CEP68: variants seen among roughly 807,000 people sequenced by gnomAD.
CEP68 encodes the protein centrosomal protein 68, also known as centrosomal protein of 68 kDa.
In CEP68, 26 loss-of-function variants were observed where a neutral mutation model predicts 55.3. That is an observed-to-expected ratio of 0.47 (90% CI 0.34 to 0.65). The LOEUF (loss-of-function observed/expected upper bound fraction) is 0.65, where lower values mean the gene tolerates loss of function less well. CEP68 is among the 30% of genes least tolerant of loss of function. CEP68 has a pLI of 0.01. For synonymous variants in CEP68, 402 were observed against 383.2 expected (o/e 1.05, Z -0.57); for missense variants, 957 against 946.7 (o/e 1.01, Z -0.14).
rs1379386055 is a variant in CEP68 at position 65,085,045 on chromosome 2, C to T, written c.*1411C>T. On this transcript the variant is annotated 3_prime_UTR_variant, in exon 7 of 7. Transcript: ENST00000377990. Reference sequence around the variant, plus strand: ...AAAAGGTAGAGATGTCTGACGGCCTCTTCTTAAATTGATATATTTTACCTT... The same window carrying T: ...AAAAGGTAGAGATGTCTGACGGCCTTTTCTTAAATTGATATATTTTACCTT... 6.6e-6 allele frequency: 1 copy of T among 152,166 alleles called. No individual in the cohort carries two copies. The highest frequency in any genetic ancestry group is 1.5e-5 in the Non-Finnish European group (1 of 68,030). 9.4% of individuals were successfully genotyped at this position (152,166 alleles called of 1,614,324 possible). A position where few individuals can be genotyped will look rare whatever the true frequency, so the allele number is the denominator to read the frequency against.
In CEP68 at chr2:65,072,490, G is replaced by C. The variant is rs145806974; in HGVS notation, c.1394G>C (p.Cys465Ser). Residue 465 changes from cysteine (C) to serine (S), a missense_variant, in exon 3 of 7, where the codon TGC becomes TCC. By Grantham distance (112) the Cys-to-Ser change is moderately radical. Coordinates refer to ENST00000377990, the MANE Select transcript of CEP68 (RefSeq NM_015147.3). ...AGCCAGAGTGCCCGGCGCCCTACCT[G>C]CACAGAGTCTAGGTGGAAATCAGAA... ...RTSQSARRPT[C>S]TESRWKSEEE... 5.6e-5 allele frequency: 91 copies of C among 1,614,082 alleles called. No individual in the cohort carries two copies. In the East Asian group the frequency reaches 1.9e-3, roughly 34 times the overall value.
At chr2:65,074,260 G>A in intron 3 of CEP68, 22 bp from the exon 4 acceptor site, 1 of 1,613,334 alleles carries the variant, frequency 6.2e-7, no homozygotes, top group East Asian at 2.2e-5. Flanking sequence ...AACACCATGT[G>A]TCCTTTTATT....
At position 65,073,465 on chromosome 2, in the gene CEP68, T is replaced by G. The variant is rs190091945; in HGVS notation, c.1884+485T>G. On this transcript the variant is annotated intron_variant, in intron 3 of 6. Coordinates refer to ENST00000377990, the MANE Select transcript of CEP68 (RefSeq NM_015147.3). ...GCATTGGATGTACTGTTGCCTAGAC[T>G]TTGTGGCCACCGGACCATCTTGTGA... is the stretch of plus-strand genomic sequence containing the variant. 2.1e-3 allele frequency: 461 copies of G among 218,074 alleles called. 6 individuals carry two copies. The highest frequency in any genetic ancestry group is 9.3e-3 in the African/African-American group (399 of 43,054). 13.5% of individuals were successfully genotyped at this position (218,074 alleles called of 1,614,324 possible). A position where few individuals can be genotyped will look rare whatever the true frequency, so the allele number is the denominator to read the frequency against.
chr2:65,074,680 C>T (rs1021012029), intron 4 of CEP68: 2 of 401,262 alleles, frequency 5.0e-6, no homozygotes, highest in Non-Finnish European at 9.5e-6. Flanking sequence ...TGGGACAAGT[C>T]TTTTATCCCA....
rs936264651 is a variant in CEP68 at position 65,074,773 on chromosome 2, C to T, written c.2007+369C>T. 3.3e-4 allele frequency: 78 copies of T among 236,494 alleles called. 2 individuals carry two copies. The Admixed American group carries it at 4.4e-3, about 13-fold the overall frequency. The allele number at this position is 236,494 out of a possible 1,614,324, so 14.6% of individuals were successfully genotyped here. A position where few individuals can be genotyped will look rare whatever the true frequency, so the allele number is the denominator to read the frequency against. ...TGAGCAACATAGCAAGACCCCCCCC[C>T]CTCAAAAAAAAGTTTTTTCTTAATT... On this transcript the variant is annotated intron_variant, in intron 4 of 6. Transcript: ENST00000377990.
At position 65,074,294 on chromosome 2, in the gene CEP68, C is replaced by A; in HGVS notation, c.1897C>A (p.Gln633Lys). 1 of 1,614,146 alleles carries A rather than the reference C, an allele frequency of 6.2e-7. No homozygotes were observed. The highest frequency in any genetic ancestry group is 1.1e-5 in the South Asian group (1 of 91,074). ...TTTGTCTCTGCAGACATTTTGCTGTCAGCTGGAAGAGCTGATCTGCTGGCT... is the reference window on the plus strand; with the variant it reads ...TTTGTCTCTGCAGACATTTTGCTGTAAGCTGGAAGAGCTGATCTGCTGGCT... ...LVQCVKTFCCQLEELICWLYN... is the reference protein window; with the variant it reads ...LVQCVKTFCCKLEELICWLYN... Residue 633 changes from glutamine (Q) to lysine (K), a missense_variant, in exon 4 of 7, where the codon CAG (glutamine) becomes AAG (lysine). Coordinates refer to ENST00000377990, the MANE Select transcript of CEP68 (RefSeq NM_015147.3).
chr2:65,077,357 G>T (rs531849182), intron 4 of CEP68, among the ~76,000 whole-genome samples: 4 of 152,246 alleles, frequency 2.6e-5, no homozygotes, highest in African/African-American at 7.2e-5. Context: ...TAGCCAAGAG[G>T]GGAAAGCAAA....
At chr2:65,066,274 C>T (rs1486839048) in intron 1 of CEP68, among the ~76,000 whole-genome samples, 1 of 152,182 alleles carries the variant, frequency 6.6e-6, no homozygotes, top group African/African-American at 2.4e-5. Flanking sequence ...AGTCAGGAAT[C>T]AGGGTTTCTT....
chr2:65,068,893 C>G (rs1350968145), intron 1 of CEP68, among the ~76,000 whole-genome samples: 2 of 152,298 alleles, frequency 1.3e-5, no homozygotes, highest in East Asian at 3.9e-4. Flanking sequence ...AGCCAAGCAT[C>G]TTGGAGGGCA....
At chr2:65,080,319 A>G in intron 5 of CEP68, 1 of 985,058 alleles carries the variant, frequency 1.0e-6, no homozygotes. Flanking sequence ...GCCCTTCCCC[A>G]TCCATCTGCT....
chr2:65,080,982 G>A (rs577539552), intron 5 of CEP68, among the ~76,000 whole-genome samples: 8 of 152,098 alleles, frequency 5.3e-5, no homozygotes, highest in East Asian at 3.9e-4. Flanking sequence ...AGGCCAAGGC[G>A]GGTGGATCAC....
rs185651976 is a variant in CEP68 at position 65,060,974 on chromosome 2, C to T, written c.-47+4446C>T. 7.6e-4 allele frequency among the ~76,000 whole-genome samples: 116 copies of T among 152,220 alleles called. 1 individual carries two copies. The Middle Eastern group carries it at 0.017, about 22-fold the overall frequency. On this transcript the variant is annotated intron_variant, in intron 1 of 6. Transcript: ENST00000377990. Reference sequence around the variant, plus strand: ...GGAGGATCACATAAGGTCAGGAGTTCGAGACCAGCCTGGCCAACATGGTGA... The same window carrying T: ...GGAGGATCACATAAGGTCAGGAGTTTGAGACCAGCCTGGCCAACATGGTGA...
intron 1 of CEP68, among the ~76,000 whole-genome samples, chr2:65,059,332 G>A (rs945525461): frequency 1.3e-5 from 2 of 152,174 alleles, no homozygotes; most frequent in African/African-American, 4.8e-5. Context: ...TTTCCTTGTA[G>A]CTGTAAGCTC....
intron 5 of CEP68, among the ~76,000 whole-genome samples, chr2:65,079,925 GGAGTTT>G (rs1172095759): frequency 6.6e-6 from 1 of 152,166 alleles, no homozygotes; most frequent in Non-Finnish European, 1.5e-5. Flanking sequence ...CCTGAGATCG[GGAGTTT>G]GAGACCAGCC....
intron 1 of CEP68, among the ~76,000 whole-genome samples, chr2:65,059,032 TGGG>T (rs751893127): frequency 2.3e-4 from 35 of 152,142 alleles, no homozygotes; most frequent in Admixed American, 5.2e-4. Context: ...GCTAAATAGA[TGGG>T]GGCCTCATGT....
At chr2:65,069,043 G>T (rs902313533) in intron 1 of CEP68, among the ~76,000 whole-genome samples, 1 of 152,096 alleles carries the variant, frequency 6.6e-6, no homozygotes, top group African/African-American at 2.4e-5. Flanking sequence ...CACAGGAAGG[G>T]TCCCACCAGG....
At chr2:65,063,741 A>G (rs758611949) in intron 1 of CEP68, among the ~76,000 whole-genome samples, 24 of 152,370 alleles carry the variant, frequency 1.6e-4, no homozygotes, top group Non-Finnish European at 2.9e-4. Context: ...CTAGGAATCC[A>G]AAACTTGTGC....
chr2:65,070,989 G>A (rs1238304215), intron 2 of CEP68: 1 of 163,590 alleles, frequency 6.1e-6, no homozygotes, highest in Non-Finnish European at 1.3e-5. Context: ...AAGAAGCTGA[G>A]ATGAACCAGT....
chr2:65,061,263 G>T (rs1452015496), intron 1 of CEP68, among the ~76,000 whole-genome samples: 1 of 152,218 alleles, frequency 6.6e-6, no homozygotes, highest in Non-Finnish European at 1.5e-5. Flanking sequence ...GGTAGCCCTG[G>T]TCAGTCAGCC....
Sources: gnomAD v4.1 joint callset for allele counts (sites outside exome capture counted in the v4.1 genomes callset) on GRCh38, gnomAD v4.1.1 for gene constraint, MANE v1.5 for transcripts, NCBI Gene and HGNC (gene_info 2026-07-23, HGNC 2026-07-21) for gene names.